The following GLT8D2 variants were observed in gnomAD, a reference collection of about 807,000 sequenced individuals.
GLT8D2 encodes the protein glycosyltransferase 8 domain-containing protein 2.
A neutral mutation model predicts 44.5 loss-of-function variants in GLT8D2; 45 were observed. That is an observed-to-expected ratio of 1.01 (90% CI 0.80 to 1.30). The LOEUF (loss-of-function observed/expected upper bound fraction) is 1.30. Among genes scored for constraint, GLT8D2 ranks in the 50% most tolerant of loss-of-function variants. The probability of loss-of-function intolerance (pLI) is 0.00; values close to 1 mark genes in which losing one functional copy is unlikely to be tolerated. For synonymous variants in GLT8D2, 156 were observed against 157.2 expected, an observed-to-expected ratio of 0.99 and a Z score of 0.06; for missense variants, 400 against 430.4, an observed-to-expected ratio of 0.93 and a Z score of 0.62.
At position 104,015,436 on chromosome 12, in the gene GLT8D2, A is replaced by ACACAC. The variant is rs1555278722; in HGVS notation, c.20-332_20-331insGTGTG. Among the ~76,000 whole-genome samples the ACACAC allele has an allele frequency of 2.4e-3, 355 of 148,404 alleles. 1 individual carries two copies. Among genetic ancestry groups the ACACAC allele is most frequent in the African/African-American group, 8.2e-3 (329 of 40,038 alleles). ...CACACACACACACACACACACACAC[A>ACACAC]AATTAGCTGGGCGTGGTGGCATGCA... On this transcript the variant is annotated intron_variant, in intron 3 of 10. Coordinates refer to ENST00000360814, the MANE Select transcript of GLT8D2 (RefSeq NM_001384711.1).
rs548387089 is a variant in GLT8D2 at position 104,048,830 on chromosome 12, C to T, written c.-164+1065G>A. Among the ~76,000 whole-genome samples, 139 of 152,304 alleles carry T rather than the reference C, an allele frequency of 9.1e-4. 4 individuals are homozygous for T. The South Asian group carries it at 0.026, about 29-fold the overall frequency. On this transcript the variant is annotated intron_variant, in intron 1 of 10. Transcript: ENST00000360814. ...CCTGAGGCCTAACTACTTTGCAGGT[C>T]CTGTATTATGTCCTCTATAGACATT... is the stretch of plus-strand genomic sequence containing the variant.
At chr12:103,993,783 C>T (rs78386811) in intron 9 of GLT8D2, 28,605 of 292,984 alleles carry the variant, frequency 0.098, 2,091 homozygotes, top group East Asian at 0.32. Context: ...AGATCAAATT[C>T]GAATCCTACA....
chr12:103,995,220 A>G (rs1873260984), intron 8 of GLT8D2, among the ~76,000 whole-genome samples: 2 of 152,068 alleles, frequency 1.3e-5, no homozygotes, highest in Admixed American at 1.3e-4. Flanking sequence ...TAGGTCACTC[A>G]TCTCCTCTAA....
At chr12:104,016,905 A>AT (rs1876946870) in intron 3 of GLT8D2, among the ~76,000 whole-genome samples, 1 of 152,120 alleles carries the variant, frequency 6.6e-6, no homozygotes, top group Non-Finnish European at 1.5e-5. Flanking sequence ...AGAAAGAAAG[A>AT]AAGGAAGAAA....
At chr12:103,996,924 G>T (rs1873508649) in intron 7 of GLT8D2, 77 bp from the exon 8 acceptor site, 3 of 928,830 alleles carry the variant, frequency 3.2e-6, no homozygotes, top group South Asian at 3.3e-5. Context: ...AGCTTAAACA[G>T]CTCTTGATTT....
chr12:104,034,584 G>A (rs1879720443), intron 1 of GLT8D2, among the ~76,000 whole-genome samples: 1 of 152,278 alleles, frequency 6.6e-6, no homozygotes, highest in Non-Finnish European at 1.5e-5. Context: ...AGCCTGGCAG[G>A]TGGAAGGGCG....
At chr12:103,992,263 C>T in intron 10 of GLT8D2, among the ~76,000 whole-genome samples, 1 of 152,200 alleles carries the variant, frequency 6.6e-6, no homozygotes, top group East Asian at 1.9e-4. Flanking sequence ...ACTCTAAACC[C>T]TACACTTGTG....
At chr12:104,024,929 G>A (rs1423414300) in intron 1 of GLT8D2, among the ~76,000 whole-genome samples, 1 of 151,846 alleles carries the variant, frequency 6.6e-6, no homozygotes, top group African/African-American at 2.4e-5. Context: ...AATTAACCAG[G>A]CGTGGTGGTG....
rs150172280 is a variant in GLT8D2 at position 104,003,297 on chromosome 12, G to A, written c.122C>T (p.Ser41Phe). ...TTCTTCCAGTTCTTCAGGAGTCTCG[G>A]ATTCATCATCTGGAAACATAAAAAC... ...TVPKNDADDESETPEELEEEI... is the reference protein window; with the variant it reads ...TVPKNDADDEFETPEELEEEI... Residue 41 changes from serine (S) to phenylalanine (F), a missense_variant, in exon 5 of 11, where the codon TCC (serine) becomes TTC (phenylalanine). Ser to Phe is a radical substitution (Grantham distance 155). Coordinates refer to ENST00000360814, the MANE Select transcript of GLT8D2 (RefSeq NM_001384711.1). 870 of 1,613,938 alleles carry A rather than the reference G, an allele frequency of 5.4e-4. 7 individuals are homozygous for A. Among genetic ancestry groups the A allele is most frequent in the Middle Eastern group, 4.8e-3 (29 of 6,060 alleles).
At chr12:104,024,697 G>C (rs1431620071) in intron 1 of GLT8D2, among the ~76,000 whole-genome samples, 1 of 152,250 alleles carries the variant, frequency 6.6e-6, no homozygotes, top group East Asian at 1.9e-4. Context: ...CGAAATGTCT[G>C]TTTAAATCTT....
chr12:104,046,271 T>C (rs1881141136), intron 1 of GLT8D2, among the ~76,000 whole-genome samples: 1 of 151,778 alleles, frequency 6.6e-6, no homozygotes, highest in Non-Finnish European at 1.5e-5. Context: ...TATTATTATT[T>C]TAACACTTAC....
At chr12:104,009,570 T>G (rs1006752022) in intron 4 of GLT8D2, among the ~76,000 whole-genome samples, 7 of 152,164 alleles carry the variant, frequency 4.6e-5, no homozygotes, top group Admixed American at 2.6e-4. Flanking sequence ...GAGTCAAGAC[T>G]TTGGGGGACT....
At chr12:104,014,891 G>C (rs1876354824) in intron 4 of GLT8D2, 122 bp downstream of exon 4, 5 of 663,462 alleles carry the variant, frequency 7.5e-6, no homozygotes, top group South Asian at 3.7e-5. Flanking sequence ...TCTACTAGCA[G>C]GTCCTTGGGA....
chr12:104,017,383 C>T (rs1181689775), intron 3 of GLT8D2, among the ~76,000 whole-genome samples: 1 of 152,098 alleles, frequency 6.6e-6, no homozygotes, highest in Admixed American at 6.5e-5. Flanking sequence ...AGTGCAATGG[C>T]ACAGCCTTGG....
At chr12:104,002,233 A>G (rs753903354) in intron 5 of GLT8D2, among the ~76,000 whole-genome samples, 2 of 152,208 alleles carry the variant, frequency 1.3e-5, no homozygotes. Context: ...TGTTGGAAAT[A>G]TAGGAGTGAG....
chr12:104,039,126 C>A (rs1023739649), intron 1 of GLT8D2, among the ~76,000 whole-genome samples: 19 of 152,092 alleles, frequency 1.2e-4, no homozygotes, highest in Non-Finnish European at 2.6e-4. Context: ...CTTCCTTACA[C>A]CTTATACAAA....
At chr12:103,997,559 A>G in intron 6 of GLT8D2, 24 bp from the exon 7 acceptor site, 1 of 1,554,212 alleles carries the variant, frequency 6.4e-7, no homozygotes, top group Non-Finnish European at 8.9e-7. Flanking sequence ...AAAAGAAATG[A>G]TGGTGGGGGA....
chr12:104,007,498 C>T (rs546014805), intron 4 of GLT8D2, among the ~76,000 whole-genome samples: 54 of 152,034 alleles, frequency 3.6e-4, no homozygotes, highest in Non-Finnish European at 6.9e-4. Context: ...CTGAAATTTC[C>T]ACCACTAGAA....
Position 103,993,455 on chromosome 12 carries a change from T to A in GLT8D2, c.817A>T (p.Met273Leu), listed in dbSNP as rs145520946. Reference sequence around the variant, plus strand: ...TATTTCCCATGAAACACAATCAGCATTGGGGAGGTGGCCACCCCTCCTCCC... The same window carrying A: ...TATTTCCCATGAAACACAATCAGCAATGGGGAGGTGGCCACCCCTCCTCCC... ...SLGGGVATSP[M>L]LIVFHGKYST... Residue 273 changes from methionine (M) to leucine (L), a missense_variant, in exon 10 of 11, where the codon ATG (methionine) becomes TTG (leucine). By Grantham distance (15) the Met-to-Leu change is conservative (BLOSUM62 2). Transcript: ENST00000360814. 1.2e-6 allele frequency: 2 copies of A among 1,613,268 alleles called. No individual in the cohort carries two copies. Among genetic ancestry groups the A allele is most frequent in the Non-Finnish European group, 1.7e-6 (2 of 1,179,624 alleles).
Sources: gnomAD v4.1 joint callset for allele counts (sites outside exome capture counted in the v4.1 genomes callset) on GRCh38, gnomAD v4.1.1 for gene constraint, MANE v1.5 for transcripts, NCBI Gene and HGNC (gene_info 2026-07-23, HGNC 2026-07-21) for gene names.